The following STPG2 variants were observed in gnomAD, a reference collection of about 807,000 sequenced individuals.
The protein encoded by STPG2 is sperm tail PG-rich repeat containing 2.
In STPG2, 56 loss-of-function variants were observed where a neutral mutation model predicts 54.2. That is an observed-to-expected ratio of 1.03 (90% CI 0.83 to 1.29). The LOEUF (loss-of-function observed/expected upper bound fraction) is 1.29. Among genes scored for constraint, STPG2 ranks in the 50% most tolerant of loss-of-function variants. STPG2 has a pLI of 0.00. For missense variants in STPG2, 596 were observed against 544.9 expected, an observed-to-expected ratio of 1.09 and a Z score of -0.93; for synonymous variants, 200 against 181.8, an observed-to-expected ratio of 1.10 and a Z score of -0.81.
chr4:97,446,939 C>A (rs1340912128), intron 4 of STPG2, among the ~76,000 whole-genome samples: 18 of 152,132 alleles, frequency 1.2e-4, no homozygotes, highest in Non-Finnish European at 2.5e-4. Flanking sequence ...AATGTGGAAG[C>A]AACTTTGGAA....
chr4:98,060,381 A>G (rs1737607508), intron 5 of STPG2, among the ~76,000 whole-genome samples: 1 of 151,894 alleles, frequency 6.6e-6, no homozygotes, highest in South Asian at 2.1e-4. Context: ...GATCTCTACA[A>G]TGAGAGCTAC....
chr4:97,974,562 C>G (rs1193866722), intron 6 of STPG2, among the ~76,000 whole-genome samples: 1 of 152,112 alleles, frequency 6.6e-6, no homozygotes, highest in African/African-American at 2.4e-5. Flanking sequence ...TGGGAGGAAC[C>G]TGGTGGGAGG....
intron 8 of STPG2, among the ~76,000 whole-genome samples, chr4:97,896,441 A>C (rs1274288744): frequency 6.6e-6 from 1 of 151,846 alleles, no homozygotes; most frequent in Admixed American, 6.6e-5. Context: ...AAAGTAAACA[A>C]GTGCAGTTGC....
intron 7 of STPG2, among the ~76,000 whole-genome samples, chr4:97,966,581 C>A (rs921882365): frequency 6.6e-6 from 1 of 152,062 alleles, no homozygotes; most frequent in African/African-American, 2.4e-5. Context: ...GTCAGATTCA[C>A]CAAGGCTGAA....
At chr4:98,099,398 T>C (rs1738958098) in intron 5 of STPG2, among the ~76,000 whole-genome samples, 1 of 152,174 alleles carries the variant, frequency 6.6e-6, no homozygotes. Context: ...CACTTATTTG[T>C]GAGATCTAAA....
intron 4 of STPG2, among the ~76,000 whole-genome samples, chr4:97,517,916 A>ATTTT (rs369692844): frequency 0.076 from 11,601 of 152,118 alleles, 1,220 homozygotes; most frequent in African/African-American, 0.24. Flanking sequence ...AATATCAACC[A>ATTTT]TGTTGTCTTT....
chr4:97,503,245 G>T (rs1730765440), intron 4 of STPG2, among the ~76,000 whole-genome samples: 1 of 151,862 alleles, frequency 6.6e-6, no homozygotes, highest in African/African-American at 2.4e-5. Context: ...GTAGCTTAAA[G>T]TCAGCCATTG....
chr4:97,696,424 G>A lies in STPG2; in HGVS notation c.1320+16275C>T, dbSNP rs1014458116. Among the ~76,000 whole-genome samples, 6 of 152,328 alleles carry A rather than the reference G, an allele frequency of 3.9e-5. No homozygotes were observed. In the South Asian group the frequency reaches 1.2e-3, roughly 32 times the overall value. ...GAGACCTGAAACCATACAAATTCCA[G>A]AAGATAGCATTGGAAAAACCCTTTT... On this transcript the variant is annotated intron_variant, in intron 10 of 10. Coordinates refer to ENST00000295268, the MANE Select transcript of STPG2 (RefSeq NM_174952.3).
chr4:97,897,101 C>G (rs1730984217), intron 8 of STPG2, among the ~76,000 whole-genome samples: 1 of 151,918 alleles, frequency 6.6e-6, no homozygotes, highest in Admixed American at 6.6e-5. Context: ...TTGTTCACCT[C>G]TATGTGTCCA....
intron 5 of STPG2, among the ~76,000 whole-genome samples, chr4:97,990,395 A>G (rs919875767): frequency 2.0e-5 from 3 of 152,170 alleles, no homozygotes; most frequent in Admixed American, 2.0e-4. Context: ...ATTATAAAGA[A>G]GGAAAAAACA....
chr4:97,927,930 T>A (rs1732397112), intron 8 of STPG2, among the ~76,000 whole-genome samples: 1 of 152,156 alleles, frequency 6.6e-6, no homozygotes, highest in South Asian at 2.1e-4. Flanking sequence ...CAGTGTTTTG[T>A]GGTTTTTAAT....
intron 10 of STPG2, among the ~76,000 whole-genome samples, chr4:97,694,856 C>G (rs1578486351): frequency 1.9e-5 from 1 of 53,988 alleles, no homozygotes; most frequent in Non-Finnish European, 5.1e-5. Flanking sequence ...AAAAAATTAG[C>G]AACAAAAAAA....
chr4:97,733,229 G>A (rs1724864210), intron 9 of STPG2, among the ~76,000 whole-genome samples: 1 of 152,126 alleles, frequency 6.6e-6, no homozygotes. Flanking sequence ...AAAACGTGGT[G>A]TATATACACC....
chr4:97,719,727 G>T (rs1400843308), intron 9 of STPG2, among the ~76,000 whole-genome samples: 1 of 151,848 alleles, frequency 6.6e-6, no homozygotes, highest in Non-Finnish European at 1.5e-5. Context: ...ACTGAATCAA[G>T]AAAGGAAGAA....
chr4:97,693,142 A>C (rs1484003123), intron 10 of STPG2, among the ~76,000 whole-genome samples: 1 of 152,014 alleles, frequency 6.6e-6, no homozygotes, highest in Non-Finnish European at 1.5e-5. Flanking sequence ...ATGATAAAAA[A>C]AAAAAAAAGA....
At chr4:97,840,701 G>T (rs1728770336) in intron 9 of STPG2, 72 bp downstream of exon 9, 1 of 1,498,704 alleles carries the variant, frequency 6.7e-7, no homozygotes, top group Non-Finnish European at 9.0e-7. Flanking sequence ...ACCTATCAAT[G>T]ATTCTAGATA....
intron 7 of STPG2, among the ~76,000 whole-genome samples, chr4:97,951,232 A>C (rs1350328229): frequency 5.3e-5 from 8 of 152,164 alleles, no homozygotes; most frequent in Non-Finnish European, 1.2e-4. Context: ...TCATTTGAGT[A>C]ATAATAAAAC....
intron 8 of STPG2, among the ~76,000 whole-genome samples, chr4:97,937,116 T>C (rs1202408082): frequency 1.3e-5 from 2 of 152,076 alleles, no homozygotes; most frequent in Non-Finnish European, 1.5e-5. Context: ...CCTGCCTTAT[T>C]TCAGCAAGAC....
At chr4:97,763,633 T>C (rs992345140) in intron 9 of STPG2, among the ~76,000 whole-genome samples, 1 of 152,082 alleles carries the variant, frequency 6.6e-6, no homozygotes, top group Non-Finnish European at 1.5e-5. Context: ...TCACAATTTA[T>C]TTTGGGGTCT....
Sources: gnomAD v4.1 joint callset for allele counts (sites outside exome capture counted in the v4.1 genomes callset) on GRCh38, gnomAD v4.1.1 for gene constraint, MANE v1.5 for transcripts, NCBI Gene and HGNC (gene_info 2026-07-23, HGNC 2026-07-21) for gene names.